Variants in GNG2 observed in about 807,000 individuals in gnomAD.
GNG2 encodes G protein subunit gamma 2.
GNG2 carries 5 observed loss-of-function variants against 5.5 expected under a neutral mutation model. The observed-to-expected ratio is 0.91, with a 90% confidence interval of 0.48 to 1.92. GNG2 has a LOEUF of 1.92. Ranked by LOEUF, GNG2 falls within the 30% of genes most tolerant of loss-of-function variation. The probability of loss-of-function intolerance (pLI) is 0.01; values close to 1 mark genes in which losing one functional copy is unlikely to be tolerated. For missense variants in GNG2, 55 were observed against 88.4 expected, an observed-to-expected ratio of 0.62 and a Z score of 1.52; for synonymous variants, 28 against 32.0, an observed-to-expected ratio of 0.88 and a Z score of 0.42.
chr14:51,962,918 AT>A, intron 3 of GNG2, among the ~76,000 whole-genome samples: 2 of 152,348 alleles, frequency 1.3e-5, no homozygotes, highest in Non-Finnish European at 2.9e-5. Flanking sequence ...AGTCAGGGAC[AT>A]TGAGACTCAC....
intron 2 of GNG2, chr14:51,841,516 CA>C: frequency 1.4e-6 from 1 of 701,998 alleles, no homozygotes; most frequent in Non-Finnish European, 2.6e-6. Context: ...ACAAGAATCC[CA>C]GAGCATAGAA....
intron 2 of GNG2, among the ~76,000 whole-genome samples, chr14:51,835,743 G>A (rs1424951925): frequency 6.6e-6 from 1 of 152,148 alleles, no homozygotes; most frequent in East Asian, 1.9e-4. Flanking sequence ...TTTTAGAATT[G>A]AGAACAAATG....
upstream of GNG2, among the ~76,000 whole-genome samples, chr14:51,859,558 C>T (rs1882325459): frequency 6.6e-6 from 1 of 152,154 alleles, no homozygotes. Context: ...ACCTTGTATA[C>T]CATCTCATTT....
intron 2 of GNG2, 90 bp from the exon 3 acceptor site, chr14:51,950,560 C>G: frequency 1.3e-6 from 1 of 777,920 alleles, no homozygotes; most frequent in East Asian, 2.9e-5. Context: ...GCTACAGCCA[C>G]TGCTTTGAGA....
At chr14:51,850,787 AAGAG>A (rs1214044272) in intron 2 of GNG2, among the ~76,000 whole-genome samples, 1 of 152,026 alleles carries the variant, frequency 6.6e-6, no homozygotes, top group Admixed American at 6.6e-5. Flanking sequence ...AAGCAGGAGC[AAGAG>A]AGAGAGAGTG....
intron 2 of GNG2, among the ~76,000 whole-genome samples, chr14:51,829,515 T>C (rs556365437): frequency 1.3e-5 from 2 of 152,110 alleles, no homozygotes; most frequent in African/African-American, 2.4e-5. Flanking sequence ...ACCCAACTCA[T>C]CTCCTACTAC....
At chr14:51,923,818 G>A (rs148798937) in intron 2 of GNG2, among the ~76,000 whole-genome samples, 134 of 152,254 alleles carry the variant, frequency 8.8e-4, no homozygotes, top group African/African-American at 3.2e-3. Flanking sequence ...GCTTGTGACA[G>A]GAAAGGATCC....
intron 1 of GNG2, among the ~76,000 whole-genome samples, chr14:51,868,099 A>G (rs1883035620): frequency 1.3e-5 from 2 of 152,210 alleles, no homozygotes; most frequent in Non-Finnish European, 2.9e-5. Context: ...CATGGGGAAA[A>G]CAGACAAATA....
intron 2 of GNG2, among the ~76,000 whole-genome samples, chr14:51,835,251 A>T (rs1015377587): frequency 2.0e-5 from 3 of 152,248 alleles, no homozygotes; most frequent in Non-Finnish European, 4.4e-5. Context: ...AGAGGCATAA[A>T]GGGCCAGAAA....
intron 2 of GNG2, among the ~76,000 whole-genome samples, chr14:51,925,629 T>G (rs1887263944): frequency 6.6e-6 from 1 of 152,224 alleles, no homozygotes; most frequent in African/African-American, 2.4e-5. Flanking sequence ...TATTATTTTT[T>G]GAGACAGGGT....
chr14:51,869,303 G>T (rs952176668), intron 1 of GNG2, among the ~76,000 whole-genome samples: 1 of 152,186 alleles, frequency 6.6e-6, no homozygotes, highest in Admixed American at 6.5e-5. Flanking sequence ...GAAATTGATC[G>T]CAAGACCTCT....
intron 2 of GNG2, among the ~76,000 whole-genome samples, chr14:51,937,052 C>T (rs1888048011): frequency 6.6e-6 from 1 of 152,132 alleles, no homozygotes; most frequent in Non-Finnish European, 1.5e-5. Context: ...GCTGTCTATG[C>T]CCTTGGTGAG....
At chr14:51,835,408 G>A (rs1415925592) in intron 2 of GNG2, among the ~76,000 whole-genome samples, 3 of 152,212 alleles carry the variant, frequency 2.0e-5, no homozygotes, top group Admixed American at 6.5e-5. Flanking sequence ...GTCTTTAGCT[G>A]TAATGTTTCA....
chr14:51,916,431 GT>G (rs1566684587), intron 2 of GNG2: 2 of 452,494 alleles, frequency 4.4e-6, no homozygotes, highest in African/African-American at 2.0e-5. Context: ...TTTGTACTAA[GT>G]TATTTCATAT....
At chr14:51,945,840 A>G (rs1888611734) in intron 2 of GNG2, among the ~76,000 whole-genome samples, 1 of 122,228 alleles carries the variant, frequency 8.2e-6, no homozygotes, top group Non-Finnish European at 1.8e-5. Context: ...TAGAAGACAA[A>G]CTCTTATTTG....
intron 2 of GNG2, among the ~76,000 whole-genome samples, chr14:51,878,215 C>T (rs928283554): frequency 6.6e-6 from 1 of 152,104 alleles, no homozygotes; most frequent in African/African-American, 2.4e-5. Context: ...AACCATAATC[C>T]TAGACAGGTG....
chr14:51,925,719 C>T (rs1887270969), intron 2 of GNG2, among the ~76,000 whole-genome samples: 1 of 152,154 alleles, frequency 6.6e-6, no homozygotes, highest in Admixed American at 6.5e-5. Flanking sequence ...TCAAGTGACT[C>T]TCTTGCCTCA....
At chr14:51,885,902 C>T (rs764215542) in intron 2 of GNG2, among the ~76,000 whole-genome samples, 4 of 152,242 alleles carry the variant, frequency 2.6e-5, no homozygotes, top group Middle Eastern at 3.4e-3. Flanking sequence ...TCTAAGTAAT[C>T]AAAATCTACT....
At chr14:51,842,260 G>A (rs1364945938) in intron 2 of GNG2, among the ~76,000 whole-genome samples, 4 of 152,210 alleles carry the variant, frequency 2.6e-5, no homozygotes, top group African/African-American at 2.4e-5. Context: ...TTAGTCTGGC[G>A]TTGATGTCTT....
Sources: allele counts gnomAD v4.1 joint callset (sites outside exome capture counted in the v4.1 genomes callset), GRCh38; gene constraint gnomAD v4.1.1; transcripts MANE v1.5; gene names NCBI Gene and HGNC (gene_info 2026-07-23, HGNC 2026-07-21).